The following RYR1 variants were observed in gnomAD, a reference collection of about 807,000 sequenced individuals.
The protein encoded by RYR1 is central core disease of muscle.
Under a neutral mutation model 583.5 loss-of-function variants are expected in RYR1, and 342 were observed. That is an observed-to-expected ratio of 0.59 (90% CI 0.54 to 0.64). The LOEUF (loss-of-function observed/expected upper bound fraction) is 0.64. Ranked by LOEUF, RYR1 falls within the 30% of genes least tolerant of loss-of-function variation. The pLI is 0.00. For synonymous variants in RYR1, 2,791 were observed against 2,822.5 expected (o/e 0.99, Z 0.35); for missense variants, 6,032 against 6,917.2 (o/e 0.87, Z 4.54).
At chr19:38,546,199 G>A (rs1039556576) in intron 87 of RYR1, among the ~76,000 whole-genome samples, 1 of 151,968 alleles carries the variant, frequency 6.6e-6, no homozygotes, top group Non-Finnish European at 1.5e-5. Context: ...AGTCCTCCTT[G>A]TCTGCCAGCC....
Position 38,535,313 on chromosome 19 carries a change from C to T in RYR1, c.11440-3C>T. 2 of 1,614,138 alleles carry T rather than the reference C, an allele frequency of 1.2e-6. No homozygotes were observed. Among genetic ancestry groups the T allele is most frequent in the South Asian group, 2.2e-5 (2 of 91,088 alleles). Reference sequence around the variant, plus strand: ...TTCTCCTCCCCTGCCTCGCCCTCTGCAGAAAATGCTGGATTATCTTAAGGA... The same window carrying T: ...TTCTCCTCCCCTGCCTCGCCCTCTGTAGAAAATGCTGGATTATCTTAAGGA... On this transcript the variant is annotated splice_polypyrimidine_tract_variant and splice_region_variant and intron_variant, in intron 80 of 105. Transcript: ENST00000359596.
intron 54 of RYR1, among the ~76,000 whole-genome samples, 159 bp from the exon 55 acceptor site, chr19:38,506,144 T>C (rs1383972536): frequency 1.6e-5 from 2 of 121,646 alleles, no homozygotes; most frequent in Admixed American, 1.0e-4. Context: ...GAGAGAAGGA[T>C]GGGGTGGTTT....
At chr19:38,482,750 G>C (rs767159943) in intron 31 of RYR1, among the ~76,000 whole-genome samples, 3 of 152,038 alleles carry the variant, frequency 2.0e-5, no homozygotes, top group Non-Finnish European at 2.9e-5. Context: ...ACACTCTCTG[G>C]GTTTTGAATG....
intron 28 of RYR1, among the ~76,000 whole-genome samples, chr19:38,474,600 A>G (rs1416354000): frequency 2.2e-5 from 2 of 90,126 alleles, no homozygotes; most frequent in African/African-American, 4.7e-5. Flanking sequence ...TTTGAGATGG[A>G]GTCTTGCTCT....
intron 16 of RYR1, among the ~76,000 whole-genome samples, chr19:38,456,222 A>G (rs1400296524): frequency 7.1e-6 from 1 of 141,712 alleles, no homozygotes; most frequent in Non-Finnish European, 1.5e-5. Flanking sequence ...TGATCCGTCC[A>G]CCTCAGCCTC....
At position 38,510,855 on chromosome 19, in the gene RYR1, T is replaced by C. The variant is rs558179839; in HGVS notation, c.9122+74T>C. 7.5e-6 allele frequency: 12 copies of C among 1,602,146 alleles called. No homozygotes were observed. The East Asian group carries it at 2.5e-4, about 33-fold the overall frequency. On this transcript the variant is annotated intron_variant, in intron 60 of 105. Coordinates refer to ENST00000359596, the MANE Select transcript of RYR1 (RefSeq NM_000540.3). ...TAATCCTTTGCCCATGGAGGCTCTG[T>C]CCTGGGTGCTGGGTGTTGGGTACTG... is the stretch of plus-strand genomic sequence containing the variant.
chr19:38,502,793 AGGGGCAGGGGCAGGGG>A, intron 48 of RYR1, 66 bp downstream of exon 48: 4 of 391,532 alleles, frequency 1.0e-5, no homozygotes, highest in Non-Finnish European at 1.6e-5. Flanking sequence ...GGGCAGGGGC[AGGGGCAGGGGCAGGGG>A]GAGGAGCAGG....
Position 38,566,964 on chromosome 19 carries a change from A to G in RYR1, c.13491A>G (p.Pro4497=), listed in dbSNP as rs1973470157. The G allele has an allele frequency of 1.2e-6, 2 of 1,603,468 alleles. No homozygotes were observed. The highest frequency in any genetic ancestry group is 3.4e-5 in the Admixed American group (2 of 58,416). Residue 4497 remains proline (P), a synonymous_variant, in exon 92 of 106, where the codon CCA becomes CCG. Coordinates refer to ENST00000359596, the MANE Select transcript of RYR1 (RefSeq NM_000540.3). ...LPPEPEPEPE[P]ELEPEKADAE... ...CAGAGCCAGAGCCCGAGCCGGAACC[A>G]GAGCTGGAGCCGGAGAAAGCCGAGT...
chr19:38,578,746 G>A (rs151230439), intron 99 of RYR1, among the ~76,000 whole-genome samples: 36 of 152,144 alleles, frequency 2.4e-4, no homozygotes, highest in African/African-American at 7.5e-4. Context: ...AGCCAAGATC[G>A]CACCACTGCA....
chr19:38,505,281 C>T (rs1351182476), intron 52 of RYR1, 28 bp from the exon 53 acceptor site: 3 of 1,537,526 alleles, frequency 2.0e-6, no homozygotes, highest in Non-Finnish European at 2.7e-6. Context: ...GCTGCCTCCC[C>T]CTCACCCTGC....
At position 38,486,064 on chromosome 19, in the gene RYR1, G is replaced by T. The variant is rs747211958; in HGVS notation, c.5409G>T (p.Pro1803=). The T allele has an allele frequency of 6.2e-7, 1 of 1,612,508 alleles. No homozygotes were observed. The change falls in exon 34 of 106, where the codon CCG becomes CCT. Residue 1803 remains proline (P), a synonymous_variant. Transcript: ENST00000359596. ...EAPARLSPAI[P]LEALRDKALR... ...CGGCCCGCCTCAGCCCTGCCATCCCGCTGGAGGCCCTGCGGGACAAGGCAC... is the reference window on the plus strand; with the variant it reads ...CGGCCCGCCTCAGCCCTGCCATCCCTCTGGAGGCCCTGCGGGACAAGGCAC...
chr19:38,505,116 C>G, intron 52 of RYR1, 35 bp downstream of exon 52: 1 of 1,587,920 alleles, frequency 6.3e-7, no homozygotes, highest in Non-Finnish European at 8.6e-7. Flanking sequence ...AAGAAACCCT[C>G]AAGACCCCAG....
At position 38,468,964 on chromosome 19, in the gene RYR1, A is replaced by G; in HGVS notation, c.3382-2A>G. 6.2e-7 allele frequency: 1 copy of G among 1,613,892 alleles called. No homozygotes were observed. The highest frequency in any genetic ancestry group is 8.5e-7 in the Non-Finnish European group (1 of 1,179,932). On this transcript the variant is annotated splice_acceptor_variant, in intron 25 of 105. Coordinates refer to ENST00000359596, the MANE Select transcript of RYR1 (RefSeq NM_000540.3). LOFTEE classifies it high-confidence loss of function. The stretch of plus-strand genomic sequence containing the variant: ...CCATGTCTTCTCTGGCTGTCCTCAC[A>G]GGGCCAGCGCTGGCACTTGGGCAGT...
rs1972289988 is a variant in RYR1, at chr19:38,543,474, G to A, written c.11778+39G>A. 6.2e-7 allele frequency: 1 copy of A among 1,614,076 alleles called. No homozygotes were observed. On this transcript the variant is annotated intron_variant, in intron 85 of 105. Transcript: ENST00000359596. The surrounding 1 kb of genome is among the most constrained non-coding windows in gnomAD (Gnocchi z 4.4). ...ACGGTTCAGGTGTGACTTGGGTCGG[G>A]GGCTGCAGGGCCATGGTCGGCCCCA...
At chr19:38,453,080 G>A in intron 13 of RYR1, 66 bp downstream of exon 13, 5 of 1,552,232 alleles carry the variant, frequency 3.2e-6, no homozygotes, top group Non-Finnish European at 3.5e-6. Context: ...GAGGGGCGGG[G>A]CCACGGCGCT....
intron 21 of RYR1, 26 bp downstream of exon 21, chr19:38,463,553 G>T (rs1455209948): frequency 6.2e-7 from 1 of 1,603,114 alleles, no homozygotes; most frequent in African/African-American, 1.3e-5. Context: ...CAGCCTGCGG[G>T]AGGCCGGCTA....
rs759870637 is a variant in RYR1 at position 38,578,029 on chromosome 19, C to G, written c.14284C>G (p.Pro4762Ala). ...TAHNERKPNP[P>A]PGLLTWLMSI... ...CCACAATGAGCGCAAGCCCAACCCGCCGCCAGGGCTGCTGACCTGGTGAGC... is the reference window on the plus strand; with the variant it reads ...CCACAATGAGCGCAAGCCCAACCCGGCGCCAGGGCTGCTGACCTGGTGAGC... The change falls in exon 98 of 106, where the codon CCG becomes GCG. Residue 4762 changes from proline to alanine, a missense_variant. By Grantham distance (27) the Pro-to-Ala change is conservative (BLOSUM62 -1). This residue lies in a region of RYR1 where 188 missense variants were observed against 215.6 expected (regional missense o/e 0.87). Transcript: ENST00000359596. 10 of 1,614,148 alleles carry G rather than the reference C, an allele frequency of 6.2e-6. No homozygotes were observed. Among genetic ancestry groups the G allele is most frequent in the Non-Finnish European group, 8.5e-6 (10 of 1,180,012 alleles).
intron 31 of RYR1, among the ~76,000 whole-genome samples, chr19:38,479,819 C>T (rs182412785): frequency 1.3e-5 from 2 of 151,704 alleles, no homozygotes; most frequent in African/African-American, 2.4e-5. Flanking sequence ...TGGACTCAAG[C>T]GATCCTCCCA....
rs751225696 is a variant in RYR1 at position 38,543,617 on chromosome 19, C to G, written c.11864C>G (p.Ser3955Trp). ...AAGAGGAACTTCTCCAAAGCCATGT[C>G]GGTGGCTAAGCAGGTGTTCAACAGC... ...QGKRNFSKAM[S>W]VAKQVFNSLT... The change falls in exon 86 of 106, where the codon TCG becomes TGG. Residue 3955 changes from serine (S) to tryptophan (W), a missense_variant. This residue lies in a region of RYR1 where 82 missense variants were observed against 139.7 expected (regional missense o/e 0.59). Transcript: ENST00000359596. This position sits in a 1 kb window ranked among gnomAD's most constrained non-coding sequence, Gnocchi z 4.4. 9.9e-6 allele frequency: 16 copies of G among 1,614,024 alleles called. No homozygotes were observed. The highest frequency in any genetic ancestry group is 1.7e-6 in the Non-Finnish European group (2 of 1,180,030).
Sources: allele counts gnomAD v4.1 joint callset (sites outside exome capture counted in the v4.1 genomes callset), GRCh38; gene constraint gnomAD v4.1.1; regional missense constraint gnomAD v4.1.1; non-coding constraint Gnocchi (gnomAD v3.1); transcripts MANE v1.5; gene names NCBI Gene and HGNC (gene_info 2026-07-23, HGNC 2026-07-21).